The following RNF135 variants were observed in gnomAD, a reference collection of about 807,000 sequenced individuals.
The protein encoded by RNF135 is E3 ubiquitin-protein ligase RNF135.
A neutral mutation model predicts 41.9 loss-of-function variants in RNF135; 46 were observed. The observed-to-expected ratio is 1.10, with a 90% confidence interval of 0.87 to 1.40. The LOEUF is 1.40. Among genes scored for constraint, RNF135 ranks in the 40% most tolerant of loss-of-function variants. RNF135 has a pLI of 0.00. For synonymous variants in RNF135, 238 were observed against 223.8 expected (o/e 1.06, Z -0.57); for missense variants, 539 against 549.8 (o/e 0.98, Z 0.20).
At chr17:30,980,469 T>C (rs1907021639) in intron 1 of RNF135, among the ~76,000 whole-genome samples, 1 of 122,406 alleles carries the variant, frequency 8.2e-6, no homozygotes, top group African/African-American at 3.2e-5. Flanking sequence ...GCCCCTCACC[T>C]CCCGGACGGG....
chr17:30,996,564 CCTAGACAAGGT>C (rs1162977433), intron 3 of RNF135, among the ~76,000 whole-genome samples: 3 of 152,116 alleles, frequency 2.0e-5, no homozygotes, highest in Non-Finnish European at 4.4e-5. Context: ...ACAGGCACAC[CCTAGACAAGGT>C]CTTTCATCTC....
chr17:30,979,749 C>T (rs1330735228), intron 1 of RNF135, among the ~76,000 whole-genome samples: 2 of 123,242 alleles, frequency 1.6e-5, no homozygotes, highest in Admixed American at 7.6e-5. Flanking sequence ...GGGCGGCTGG[C>T]CGGGCAGGGG....
At position 30,998,523 on chromosome 17, in the gene RNF135, G is replaced by C. The variant is rs1203358136; in HGVS notation, c.770-139G>C. ...GAAACATTTATCATTTCTTCCTGTT[G>C]GGTGATGTAGCAATTTTAATGCTAG... is the stretch of plus-strand genomic sequence containing the variant. On this transcript the variant is annotated intron_variant, in intron 4 of 4. Transcript: ENST00000328381. 1.5e-5 allele frequency: 12 copies of C among 812,324 alleles called. No homozygotes were observed. The Admixed American group carries it at 2.0e-4, about 13-fold the overall frequency. 50.3% of individuals were successfully genotyped at this position (812,324 alleles called of 1,614,324 possible).
chr17:30,988,002 C>T lies in RNF135; in HGVS notation c.575C>T (p.Thr192Ile), dbSNP rs1907708509. Residue 192 changes from threonine (T) to isoleucine (I), a missense_variant, in exon 3 of 5, where the codon ACA (threonine) becomes ATA (isoleucine). Thr to Ile is a moderately conservative substitution (Grantham distance 89, BLOSUM62 -1). Coordinates refer to ENST00000328381, the MANE Select transcript of RNF135 (RefSeq NM_032322.4). ...MASPKLVTSD[T>I]AAGKIRDILH... ...TCTCCAAAGCTGGTGACTTCCGACA[C>T]AGCTGCAGGGAAAATCAGAGATATT... 2 of 1,613,984 alleles carry T rather than the reference C, an allele frequency of 1.2e-6. No individual in the cohort carries two copies. Among genetic ancestry groups the T allele is most frequent in the African/African-American group, 1.3e-5 (1 of 74,900 alleles).
At chr17:30,976,131 C>T (rs1906438943) in intron 1 of RNF135, among the ~76,000 whole-genome samples, 1 of 152,044 alleles carries the variant, frequency 6.6e-6, no homozygotes, top group Admixed American at 6.6e-5. Flanking sequence ...TCAGTCTTCC[C>T]AGCAGCTGGG....
upstream of RNF135, chr17:30,968,843 G>A (rs1023340552): frequency 2.6e-5 from 4 of 152,288 alleles, no homozygotes; most frequent in Non-Finnish European, 4.4e-5. Flanking sequence ...GGAGGCTCAG[G>A]TCAAAGGTGA....
chr17:30,997,095 T>C (rs1908399450), intron 3 of RNF135, 147 bp from the exon 4 acceptor site: 1 of 677,588 alleles, frequency 1.5e-6, no homozygotes, highest in Admixed American at 2.1e-5. Flanking sequence ...GCAGGCACAC[T>C]GCCTCTGCCT....
intron 1 of RNF135, among the ~76,000 whole-genome samples, chr17:30,973,970 G>A (rs1906222145): frequency 6.6e-6 from 1 of 152,194 alleles, no homozygotes; most frequent in Non-Finnish European, 1.5e-5. Flanking sequence ...GGCCAGGCAT[G>A]TGGTTCACAC....
chr17:30,996,125 C>T (rs1201036352), intron 3 of RNF135, among the ~76,000 whole-genome samples: 4 of 134,470 alleles, frequency 3.0e-5, no homozygotes, highest in Non-Finnish European at 4.6e-5. Flanking sequence ...GAGTCTCACT[C>T]TGTTTCCCAG....
At chr17:30,984,194 G>A (rs1340122448) in intron 1 of RNF135, among the ~76,000 whole-genome samples, 1 of 151,982 alleles carries the variant, frequency 6.6e-6, no homozygotes, top group East Asian at 1.9e-4. Context: ...TGTTGCCTGT[G>A]CTTTTAGTGA....
At chr17:30,988,566 T>C (rs1907761377) in intron 3 of RNF135, among the ~76,000 whole-genome samples, 1 of 151,288 alleles carries the variant, frequency 6.6e-6, no homozygotes, top group African/African-American at 2.4e-5. Flanking sequence ...TAGCTGGGAC[T>C]ACAGGTGCCC....
At chr17:30,987,345 C>T (rs1262721324) in intron 2 of RNF135, among the ~76,000 whole-genome samples, 1 of 151,996 alleles carries the variant, frequency 6.6e-6, no homozygotes, top group Non-Finnish European at 1.5e-5. Context: ...GATTGTCCTG[C>T]CTCAGCCTCC....
At chr17:30,976,395 C>T (rs1906464145) in intron 1 of RNF135, among the ~76,000 whole-genome samples, 1 of 152,164 alleles carries the variant, frequency 6.6e-6, no homozygotes, top group Non-Finnish European at 1.5e-5. Flanking sequence ...TGAGAATGAT[C>T]ATGTGCTGAG....
At chr17:30,970,795 T>C (rs1472724079), upstream of RNF135, 1 of 536,246 alleles carries the variant, frequency 1.9e-6, no homozygotes, top group Non-Finnish European at 3.3e-6. Flanking sequence ...AAAGGGAATC[T>C]TGGAGACCTC....
At chr17:30,976,912 T>G (rs1264311346) in intron 1 of RNF135, among the ~76,000 whole-genome samples, 1 of 152,236 alleles carries the variant, frequency 6.6e-6, no homozygotes, top group Admixed American at 6.5e-5. Context: ...TGTCTTTTGA[T>G]TGAAGATTTT....
At chr17:30,974,355 G>GT (rs1309018223) in intron 1 of RNF135, among the ~76,000 whole-genome samples, 7 of 151,672 alleles carry the variant, frequency 4.6e-5, no homozygotes, top group African/African-American at 1.2e-4. Flanking sequence ...TTTGTTTTTT[G>GT]TTTTTTTTCC....
At chr17:30,983,353 A>ATATATATTTTTTTTTTTTT in intron 1 of RNF135, among the ~76,000 whole-genome samples, 1 of 35,744 alleles carries the variant, frequency 2.8e-5, no homozygotes, top group Non-Finnish European at 5.4e-5. Context: ...ATATATATAT[A>ATATATATTTTTTTTTTTTT]TTTTTTTTTT....
chr17:30,968,630 C>T (rs1201887511), upstream of RNF135, among the ~76,000 whole-genome samples: 3 of 151,868 alleles, frequency 2.0e-5, no homozygotes, highest in Non-Finnish European at 2.9e-5. Context: ...CCTCATGATC[C>T]GCCCGCCTCA....
At chr17:30,970,002 C>G (rs1024330191), upstream of RNF135, among the ~76,000 whole-genome samples, 3 of 151,882 alleles carry the variant, frequency 2.0e-5, no homozygotes, top group Non-Finnish European at 4.4e-5. Context: ...GTCTTGAACT[C>G]CTGACTTCAA....
Sources: gnomAD v4.1 joint callset for allele counts (sites outside exome capture counted in the v4.1 genomes callset) on GRCh38, gnomAD v4.1.1 for gene constraint, MANE v1.5 for transcripts, NCBI Gene and HGNC (gene_info 2026-07-23, HGNC 2026-07-21) for gene names.